Variants in TMCC3 observed in about 807,000 individuals in gnomAD.
TMCC3 encodes transmembrane and coiled-coil domain family 3.
Under a neutral mutation model 40.2 loss-of-function variants are expected in TMCC3, and 28 were observed. The ratio of observed to expected loss-of-function variants is 0.70; its 90% CI spans 0.52 to 0.95. The LOEUF (loss-of-function observed/expected upper bound fraction) is 0.95, where lower values mean the gene tolerates loss of function less well. Among genes scored for constraint, TMCC3 ranks in the 40% least tolerant of loss-of-function variants. The probability of loss-of-function intolerance (pLI) is 0.00; values close to 1 mark genes in which losing one functional copy is unlikely to be tolerated. For missense variants in TMCC3, 554 were observed against 615.2 expected (o/e 0.90, Z 1.05); for synonymous variants, 255 against 248.5 (o/e 1.03, Z -0.25).
intron 1 of TMCC3, among the ~76,000 whole-genome samples, chr12:94,607,065 C>G (rs1281526468): frequency 1.3e-5 from 2 of 152,174 alleles, no homozygotes; most frequent in African/African-American, 2.4e-5. Context: ...GACCTCCCCC[C>G]AGGAATGCAT....
At chr12:94,635,202 A>T (rs531829457) in intron 1 of TMCC3, among the ~76,000 whole-genome samples, 1 of 152,244 alleles carries the variant, frequency 6.6e-6, no homozygotes, top group Non-Finnish European at 1.5e-5. Flanking sequence ...GTGACAAACC[A>T]ACTTAAATTT....
Position 94,581,693 on chromosome 12 carries a change from G to A in TMCC3, c.924C>T (p.Ile308=), listed in dbSNP as rs760546638. The A allele has an allele frequency of 1.2e-5, 20 of 1,613,982 alleles. No individual in the cohort carries two copies. The African/African-American group carries it at 2.3e-4, about 18-fold the overall frequency. Residue 308 remains isoleucine, a synonymous_variant, in exon 2 of 4, where the codon ATC becomes ATT. Transcript: ENST00000261226. ...TCTTAAACTGCACCTTCAGTGCCTC[G>A]ATGTCCTCAGCCAGCTGAGCTTGGG... ...KDTQAQLAED[I]EALKVQFKRE... is the part of the protein sequence containing the mutation.
chr12:94,606,547 A>C (rs571895918), intron 1 of TMCC3, among the ~76,000 whole-genome samples: 3 of 151,904 alleles, frequency 2.0e-5, no homozygotes, highest in African/African-American at 7.2e-5. Context: ...TTGTATTTTT[A>C]GTAGAGATGG....
intron 1 of TMCC3, among the ~76,000 whole-genome samples, chr12:94,587,807 T>C (rs1031979390): frequency 1.1e-4 from 17 of 152,220 alleles, no homozygotes; most frequent in African/African-American, 4.1e-4. Context: ...GGTCATTCTT[T>C]TGTATTTTCA....
rs2068504034 is a variant in TMCC3, at chr12:94,567,846, A to C, written c.*3589T>G. ...AACTATATCTGGATTCACTGCAAAA[A>C]CATTCCCATTCAATGCAAAATAATT... On this transcript the variant is annotated 3_prime_UTR_variant, in exon 4 of 4. Transcript: ENST00000261226. The C allele has an allele frequency of 6.6e-6, 1 of 152,242 alleles. No homozygotes were observed. The highest frequency in any genetic ancestry group is 1.5e-5 in the Non-Finnish European group (1 of 68,044). 9.4% of individuals were successfully genotyped at this position (152,242 alleles called of 1,614,324 possible). A position where few individuals can be genotyped will look rare whatever the true frequency, so the allele number is the denominator to read the frequency against.
intron 1 of TMCC3, among the ~76,000 whole-genome samples, chr12:94,632,960 G>A (rs1435062257): frequency 1.3e-5 from 2 of 152,044 alleles, no homozygotes; most frequent in Admixed American, 6.6e-5. Context: ...TGCAAAATTC[G>A]CTGGGCATGG....
In TMCC3 at chr12:94,571,532, A is replaced by G. The variant is rs1289465665; in HGVS notation, c.1337T>C (p.Ile446Thr). 2.5e-6 allele frequency: 4 copies of G among 1,614,184 alleles called. No individual in the cohort carries two copies. ...AGTCACGGCAAAGAAGGTGCCAAGA[A>G]TGTGGCAGCGACTCTTCATCATGGG... ...VSPMMKSRCH[I>T]LGTFFAVTLL... Residue 446 changes from isoleucine (I) to threonine (T), a missense_variant, in exon 4 of 4, where the codon ATT becomes ACT. Ile to Thr is a moderately conservative substitution (Grantham distance 89). Coordinates refer to ENST00000261226, the MANE Select transcript of TMCC3 (RefSeq NM_020698.4).
intron 1 of TMCC3, 25 bp from the exon 2 acceptor site, chr12:94,582,563 A>G (rs1566316116): frequency 6.5e-6 from 10 of 1,549,838 alleles, no homozygotes; most frequent in Non-Finnish European, 8.7e-6. Flanking sequence ...AAAGAAGCAC[A>G]TTAAAATTTG....
intron 1 of TMCC3, among the ~76,000 whole-genome samples, chr12:94,590,226 T>C (rs1379591395): frequency 6.8e-6 from 1 of 147,106 alleles, no homozygotes; most frequent in Non-Finnish European, 1.5e-5. Context: ...CCCGAGAAGC[T>C]GGGATTACAG....
intron 1 of TMCC3, among the ~76,000 whole-genome samples, chr12:94,638,535 C>T (rs915906675): frequency 6.6e-6 from 1 of 152,236 alleles, no homozygotes; most frequent in Non-Finnish European, 1.5e-5. Context: ...GTATTTCTTC[C>T]ATCTTCCTTC....
At chr12:94,612,228 G>C (rs2138860322) in intron 1 of TMCC3, among the ~76,000 whole-genome samples, 1 of 152,210 alleles carries the variant, frequency 6.6e-6, no homozygotes, top group Non-Finnish European at 1.5e-5. Context: ...TCGAACTCCT[G>C]GGTTTCAAGC....
In TMCC3 at chr12:94,646,475, G is replaced by C. The variant is rs12425879; in HGVS notation, c.78+3878C>G. On this transcript the variant is annotated intron_variant, in intron 1 of 3. Coordinates refer to ENST00000261226, the MANE Select transcript of TMCC3 (RefSeq NM_020698.4). ...TTTTTTGAGAGGAAGTCTCACTCTT[G>C]TCCCCCAGGCTGGAGTGCAATGGCA... is the stretch of plus-strand genomic sequence containing the variant. Among the ~76,000 whole-genome samples the C allele has an allele frequency of 2.9e-3, 266 of 90,330 alleles. 3 individuals are homozygous for C. In the Admixed American group the frequency reaches 0.04, roughly 13 times the overall value. 59.3% of individuals were successfully genotyped at this position (90,330 alleles called of 152,430 possible).
At position 94,571,348 on chromosome 12, in the gene TMCC3, A is replaced by AATC; in HGVS notation, c.*84_*86dup. On this transcript the variant is annotated 3_prime_UTR_variant, in exon 4 of 4. Transcript: ENST00000261226. ...GTTTTTCTTACACACGAGTCCGCACAATCATTCACTGTAAAATTTGGTAGT... is the reference window on the plus strand; with the variant it reads ...GTTTTTCTTACACACGAGTCCGCACAATCATCATTCACTGTAAAATTTGGTAGT... 7.2e-7 allele frequency: 1 copy of AATC among 1,383,550 alleles called. No individual in the cohort carries two copies. Among genetic ancestry groups the AATC allele is most frequent in the Non-Finnish European group, 9.9e-7 (1 of 1,005,542 alleles). 85.7% of individuals were successfully genotyped at this position (1,383,550 alleles called of 1,614,324 possible).
intron 3 of TMCC3, among the ~76,000 whole-genome samples, chr12:94,574,887 C>G (rs1594263857): frequency 1.3e-5 from 2 of 152,298 alleles, no homozygotes; most frequent in Non-Finnish European, 2.9e-5. Flanking sequence ...TACAAATAGA[C>G]CGATCTTAGA....
rs776440160 is a variant in TMCC3 at position 94,581,888 on chromosome 12, A to G, written c.729T>C (p.Ala243=). The stretch of plus-strand genomic sequence containing the variant: ...CATACTTGGGTTTGTTCACGATGGT[A>G]GCGCTGCCCCCGTAGGCCCTGGCAC... ...EASARAYGGS[A]TIVNKPKYGS... is the part of the protein sequence containing the mutation. Residue 243 remains alanine (A), a synonymous_variant, in exon 2 of 4, where the codon GCT becomes GCC. Coordinates refer to ENST00000261226, the MANE Select transcript of TMCC3 (RefSeq NM_020698.4). The G allele has an allele frequency of 6.2e-7, 1 of 1,614,254 alleles. No homozygotes were observed. Among genetic ancestry groups the G allele is most frequent in the South Asian group, 1.1e-5 (1 of 91,088 alleles).
At chr12:94,640,885 C>G (rs2068986762) in intron 1 of TMCC3, among the ~76,000 whole-genome samples, 2 of 152,164 alleles carry the variant, frequency 1.3e-5, no homozygotes, top group Admixed American at 6.5e-5. Flanking sequence ...GAGGAAAAGA[C>G]AGATGATCGA....
chr12:94,595,388 A>T (rs2068709626), intron 1 of TMCC3, among the ~76,000 whole-genome samples: 1 of 152,162 alleles, frequency 6.6e-6, no homozygotes, highest in South Asian at 2.1e-4. Flanking sequence ...CCCCATTCCT[A>T]GAGCATCCAG....
At chr12:94,592,661 C>CAAACAAAAAAA (rs1179258894) in intron 1 of TMCC3, among the ~76,000 whole-genome samples, 1 of 27,496 alleles carries the variant, frequency 3.6e-5, no homozygotes, top group Non-Finnish European at 6.8e-5. Context: ...GGCTCCATCT[C>CAAACAAAAAAA]AAAAAAAAAA....
rs879532186 is a variant in TMCC3, at chr12:94,579,624, G to A, written c.996-1095C>T. Among the ~76,000 whole-genome samples, 21 of 152,302 alleles carry A rather than the reference G, an allele frequency of 1.4e-4. No individual in the cohort carries two copies. In the South Asian group the frequency reaches 1.5e-3, roughly 11 times the overall value. On this transcript the variant is annotated intron_variant, in intron 2 of 3. Transcript: ENST00000261226. Reference sequence around the variant, plus strand: ...TTAGACTGGAATGACTTTGATCAACGCCAATTTCAGATGCTTACATAGGTC... The same window carrying A: ...TTAGACTGGAATGACTTTGATCAACACCAATTTCAGATGCTTACATAGGTC...
Sources: allele counts gnomAD v4.1 joint callset (sites outside exome capture counted in the v4.1 genomes callset), GRCh38; gene constraint gnomAD v4.1.1; transcripts MANE v1.5; gene names NCBI Gene and HGNC (gene_info 2026-07-23, HGNC 2026-07-21).